DSCAM: variants seen among roughly 807,000 people sequenced by gnomAD.
The protein encoded by DSCAM is DS cell adhesion molecule.
In DSCAM, 47 loss-of-function variants were observed where a neutral mutation model predicts 217.7. The observed-to-expected ratio is 0.22, with a 90% CI of 0.17 to 0.28. DSCAM has a LOEUF of 0.28. DSCAM is among the 10% of genes least tolerant of loss of function. DSCAM has a pLI of 1.00. For synonymous variants in DSCAM, 1,056 were observed against 1,015.3 expected (o/e 1.04, Z -0.76); for missense variants, 2,080 against 2,618.3 (o/e 0.79, Z 4.49).
chr21:40,251,797 C>T (rs1052367753), intron 11 of DSCAM, among the ~76,000 whole-genome samples: 1 of 152,206 alleles, frequency 6.6e-6, no homozygotes, highest in African/African-American at 2.4e-5. Flanking sequence ...GATATTATAA[C>T]TTCCATCTTT....
At chr21:40,671,612 C>T (rs962497264) in intron 3 of DSCAM, among the ~76,000 whole-genome samples, 1 of 145,726 alleles carries the variant, frequency 6.9e-6, no homozygotes, top group Non-Finnish European at 1.5e-5. Flanking sequence ...TTGCATGAAA[C>T]TGGGAGGTGG....
intron 1 of DSCAM, among the ~76,000 whole-genome samples, chr21:40,756,976 CGT>C (rs1555886227): frequency 4.5e-4 from 67 of 149,644 alleles, no homozygotes; most frequent in East Asian, 1.2e-3. Context: ...AACAAATGGT[CGT>C]GTGTGTGTGT....
chr21:40,451,420 TA>T (rs1233885760), intron 3 of DSCAM, among the ~76,000 whole-genome samples: 3 of 152,180 alleles, frequency 2.0e-5, no homozygotes, highest in African/African-American at 7.2e-5. Context: ...CTTGGGGTAG[TA>T]AAGAAATTTC....
intron 3 of DSCAM, among the ~76,000 whole-genome samples, chr21:40,425,669 CAAAAA>C (rs34174337): frequency 2.9e-5 from 2 of 69,000 alleles, no homozygotes; most frequent in African/African-American, 1.0e-4. Flanking sequence ...ACTCGGTGTC[CAAAAA>C]AAAAAAAAAA....
chr21:40,517,986 T>C (rs886224338), intron 3 of DSCAM, among the ~76,000 whole-genome samples: 7 of 152,044 alleles, frequency 4.6e-5, no homozygotes, highest in African/African-American at 1.4e-4. Flanking sequence ...CTGGGTCCCA[T>C]GCTTTTCTGG....
At position 40,163,070 on chromosome 21, in the gene DSCAM, A is replaced by AACACACACACACACACACACACACACAC. The variant is rs3069756; in HGVS notation, c.3018+4120_3018+4147dup. Reference sequence around the variant, plus strand: ...TTTTATTTTATGAGTGACCATGGCAAACACACACACACACACACACACACA... The same window carrying AACACACACACACACACACACACACACAC: ...TTTTATTTTATGAGTGACCATGGCAAACACACACACACACACACACACACACACACACACACACACACACACACACACA... On this transcript the variant is annotated intron_variant, in intron 16 of 32. Transcript: ENST00000400454. 4.2e-5 allele frequency among the ~76,000 whole-genome samples: 6 copies of AACACACACACACACACACACACACACAC among 143,234 alleles called. 1 individual carries two copies. In the Admixed American group the frequency reaches 4.2e-4, roughly 10 times the overall value. 94.0% of individuals were successfully genotyped at this position (143,234 alleles called of 152,430 possible).
At chr21:40,740,092 C>A (rs977747765) in intron 1 of DSCAM, among the ~76,000 whole-genome samples, 1 of 150,290 alleles carries the variant, frequency 6.7e-6, no homozygotes, top group African/African-American at 2.5e-5. Context: ...AGCTGACAAC[C>A]CTTTAAAGCA....
At chr21:40,611,454 A>G (rs113709090) in intron 3 of DSCAM, among the ~76,000 whole-genome samples, 1 of 152,284 alleles carries the variant, frequency 6.6e-6, no homozygotes, top group South Asian at 2.1e-4. Flanking sequence ...GAGACAATTG[A>G]TACCCTTTGA....
intron 3 of DSCAM, among the ~76,000 whole-genome samples, chr21:40,678,857 C>T (rs1601843300): frequency 6.6e-6 from 1 of 152,176 alleles, no homozygotes. Context: ...AATGCTGTAA[C>T]GCGCCTCTGA....
chr21:40,638,082 C>T (rs2089831175), intron 3 of DSCAM, among the ~76,000 whole-genome samples: 1 of 152,098 alleles, frequency 6.6e-6, no homozygotes, highest in African/African-American at 2.4e-5. Context: ...CATCATAGAA[C>T]TTAGTCTTTC....
intron 11 of DSCAM, among the ~76,000 whole-genome samples, chr21:40,262,181 G>A (rs1336421015): frequency 6.6e-6 from 1 of 152,100 alleles, no homozygotes; most frequent in Non-Finnish European, 1.5e-5. Context: ...TCTTGATCCT[G>A]GACTTTTCAG....
At chr21:40,830,203 C>T (rs1473165852) in intron 1 of DSCAM, among the ~76,000 whole-genome samples, 6 of 152,162 alleles carry the variant, frequency 3.9e-5, no homozygotes, top group Non-Finnish European at 8.8e-5. Context: ...AAGAAGCTTA[C>T]ACTCATGAAG....
chr21:40,322,011 C>T (rs1016915114), intron 8 of DSCAM, among the ~76,000 whole-genome samples: 1 of 152,106 alleles, frequency 6.6e-6, no homozygotes, highest in Non-Finnish European at 1.5e-5. Flanking sequence ...TTTTTTGGCT[C>T]CTCAAGACTT....
intron 3 of DSCAM, among the ~76,000 whole-genome samples, chr21:40,554,517 T>C (rs570124451): frequency 6.6e-6 from 1 of 152,298 alleles, no homozygotes; most frequent in African/African-American, 2.4e-5. Context: ...GACAGTCATC[T>C]AGTCAACAGT....
intron 3 of DSCAM, among the ~76,000 whole-genome samples, chr21:40,531,428 A>G (rs147764343): frequency 6.6e-6 from 1 of 152,272 alleles, no homozygotes; most frequent in African/African-American, 2.4e-5. Context: ...AGCACCCAGC[A>G]CACCCCAGGG....
intron 20 of DSCAM, among the ~76,000 whole-genome samples, chr21:40,098,592 T>C (rs2089712029): frequency 6.6e-6 from 1 of 152,242 alleles, no homozygotes; most frequent in African/African-American, 2.4e-5. Context: ...TCTTGTTAGC[T>C]TTTCAATAAA....
chr21:40,152,500 C>A (rs540393109), intron 16 of DSCAM, among the ~76,000 whole-genome samples: 2 of 152,210 alleles, frequency 1.3e-5, no homozygotes, highest in African/African-American at 2.4e-5. Flanking sequence ...GCTCTCTCCC[C>A]CTTCCTAGCC....
At chr21:40,099,026 C>T (rs1010367854) in intron 20 of DSCAM, among the ~76,000 whole-genome samples, 67 of 152,280 alleles carry the variant, frequency 4.4e-4, no homozygotes, top group African/African-American at 1.6e-3. Flanking sequence ...TTCTCCAAGG[C>T]TATGTCATTG....
chr21:40,129,908 G>A (rs1222368266), intron 19 of DSCAM, among the ~76,000 whole-genome samples: 1 of 152,190 alleles, frequency 6.6e-6, no homozygotes, highest in East Asian at 1.9e-4. Context: ...GAGGTATCCA[G>A]ATGTCAGCTT....
Sources: gnomAD v4.1 joint callset for allele counts (sites outside exome capture counted in the v4.1 genomes callset) on GRCh38, gnomAD v4.1.1 for gene constraint, MANE v1.5 for transcripts, NCBI Gene and HGNC (gene_info 2026-07-23, HGNC 2026-07-21) for gene names.